RC3H2: variants seen among roughly 807,000 people sequenced by gnomAD.
RC3H2 encodes the protein roquin-2.
Under a neutral mutation model 133.3 loss-of-function variants are expected in RC3H2, and 31 were observed. That is an observed-to-expected ratio of 0.23 (90% CI 0.17 to 0.31). The LOEUF (loss-of-function observed/expected upper bound fraction) is 0.31, where lower values mean the gene tolerates loss of function less well. Ranked by LOEUF, RC3H2 falls within the 10% of genes least tolerant of loss-of-function variation. The pLI, the probability that RC3H2 is intolerant of heterozygous loss-of-function variation, is 1.00. For missense variants in RC3H2, 1,175 were observed against 1,437.2 expected, an observed-to-expected ratio of 0.82 and a Z score of 2.95; for synonymous variants, 517 against 502.2, an observed-to-expected ratio of 1.03 and a Z score of -0.40.
chr9:122,890,127 T>A, intron 4 of RC3H2, 185 bp downstream of exon 4: 1 of 625,520 alleles, frequency 1.6e-6, no homozygotes, highest in Non-Finnish European at 2.8e-6. Flanking sequence ...GGTGACAGAG[T>A]GAGACCCTGT....
Position 122,860,043 on chromosome 9 carries a change from C to A in RC3H2, c.1723G>T (p.Val575Leu). 1 of 1,614,004 alleles carries A rather than the reference C, an allele frequency of 6.2e-7. No homozygotes were observed. The highest frequency in any genetic ancestry group is 1.1e-5 in the South Asian group (1 of 91,078). Residue 575 changes from valine to leucine, a missense_variant, in exon 11 of 21, where the codon GTG becomes TTG. Physicochemically the swap from Val to Leu is conservative, Grantham distance 32. This residue lies in a region of RC3H2 where 490 missense variants were observed against 492.8 expected (regional missense o/e 0.99). Transcript: ENST00000357244. ...PSNVGTELNS[V>L]PQKSSPFLTR... ...AGAAATGGGCTGGATTTTTGAGGCA[C>A]AGAATTCAGCTCTGTTCCAACATTA...
chr9:122,860,252 C>A, intron 10 of RC3H2, 121 bp from the exon 11 acceptor site: 1 of 701,632 alleles, frequency 1.4e-6, no homozygotes, highest in Non-Finnish European at 2.4e-6. Flanking sequence ...TCAGACATTG[C>A]CACATTGACA....
chr9:122,880,566 G>C (rs1352838118), intron 6 of RC3H2, 28 bp downstream of exon 6: 2 of 1,534,934 alleles, frequency 1.3e-6, no homozygotes, highest in African/African-American at 1.4e-5. Context: ...AGCAATGATA[G>C]AACATCAGCA....
chr9:122,868,835 CTATA>C (rs1192775234), intron 9 of RC3H2, among the ~76,000 whole-genome samples: 10 of 135,838 alleles, frequency 7.4e-5, no homozygotes, highest in African/African-American at 2.6e-4. Context: ...ATATTCCCTC[CTATA>C]TGTGTGTGTG....
At chr9:122,865,728 G>C (rs1353845692) in intron 9 of RC3H2, 71 bp from the exon 10 acceptor site, 1 of 1,323,154 alleles carries the variant, frequency 7.6e-7, no homozygotes, top group East Asian at 2.3e-5. Context: ...AATGGCAATG[G>C]GCAATGGGAA....
chr9:122,868,027 A>T (rs7046794), intron 9 of RC3H2, among the ~76,000 whole-genome samples: 1 of 100,932 alleles, frequency 9.9e-6, no homozygotes, highest in African/African-American at 4.1e-5. Context: ...GGGAAGTGAG[A>T]AGCCCCTCTG....
chr9:122,893,937 G>C (rs1832304361), intron 2 of RC3H2, among the ~76,000 whole-genome samples: 1 of 152,100 alleles, frequency 6.6e-6, no homozygotes, highest in African/African-American at 2.4e-5. Context: ...AAATGAAGAT[G>C]AAAATCTGTA....
chr9:122,883,526 C>G lies in RC3H2; in HGVS notation c.584-147G>C, dbSNP rs1588097639. ...TAGCACAAAGAGGACATCACACGTA[C>G]ATAATTTAAAAAGTAATCAAGCAAA... On this transcript the variant is annotated intron_variant, in intron 4 of 20. Transcript: ENST00000357244. 7 of 530,390 alleles carry G rather than the reference C, an allele frequency of 1.3e-5. No homozygotes were observed. In the East Asian group the frequency reaches 2.3e-4, roughly 18 times the overall value. The allele number at this position is 530,390 out of a possible 1,614,324, so 32.9% of individuals were successfully genotyped here. A position where few individuals can be genotyped will look rare whatever the true frequency, so the allele number is the denominator to read the frequency against.
intron 2 of RC3H2, among the ~76,000 whole-genome samples, chr9:122,894,047 C>T (rs1588111425): frequency 6.6e-6 from 1 of 152,114 alleles, no homozygotes; most frequent in Non-Finnish European, 1.5e-5. Flanking sequence ...ATCACGAGGT[C>T]AGGAGATCGA....
At chr9:122,904,930 G>C (rs928206234) in intron 1 of RC3H2, among the ~76,000 whole-genome samples, 180 bp downstream of exon 1, 1 of 152,154 alleles carries the variant, frequency 6.6e-6, no homozygotes, top group Non-Finnish European at 1.5e-5. Context: ...CCAGAGAGAG[G>C]GGCCTCCGCA....
chr9:122,902,199 G>A (rs1832683400), intron 1 of RC3H2, among the ~76,000 whole-genome samples: 1 of 152,098 alleles, frequency 6.6e-6, no homozygotes, highest in African/African-American at 2.4e-5. Context: ...CCAAAGTGCT[G>A]GGATTACAGG....
chr9:122,855,395 G>A lies in RC3H2; in HGVS notation c.2604C>T (p.Asp868=). 6.2e-7 allele frequency: 1 copy of A among 1,612,240 alleles called. No homozygotes were observed. Among genetic ancestry groups the A allele is most frequent in the Non-Finnish European group, 8.5e-7 (1 of 1,179,416 alleles). ...TTCTCTTAACATCACCACTGTCCAG[G>A]TCCTATGTAAACCAAAGAAAATCAA... ...VIANSNAVLM[D]LDSGDVKRRV... The change falls in exon 15 of 21, where the codon GAC becomes GAT. Residue 868 remains aspartate (D), a splice_region_variant and synonymous_variant. Transcript: ENST00000357244.
At chr9:122,885,388 T>C (rs1317187346) in intron 4 of RC3H2, among the ~76,000 whole-genome samples, 2 of 152,202 alleles carry the variant, frequency 1.3e-5, no homozygotes, top group Non-Finnish European at 2.9e-5. Flanking sequence ...TACAAATACA[T>C]GGTTATTAAT....
At chr9:122,877,388 C>T (rs990763295) in intron 9 of RC3H2, 83 bp downstream of exon 9, 6 of 1,080,910 alleles carry the variant, frequency 5.6e-6, no homozygotes, top group Non-Finnish European at 8.3e-6. Context: ...TTTTGAAAGT[C>T]ATCACAAACT....
chr9:122,905,067 C>A lies in RC3H2; in HGVS notation c.-68+43G>T, dbSNP rs959277365. The stretch of plus-strand genomic sequence containing the variant: ...CGCCCGACCGCCGGGGACCAGGCAC[C>A]CGGGCTGGGGCCCGAGCCGCATCGT... On this transcript the variant is annotated intron_variant, in intron 1 of 20. Coordinates refer to ENST00000357244, the MANE Select transcript of RC3H2 (RefSeq NM_001100588.3). 5.4e-5 allele frequency: 53 copies of A among 984,406 alleles called. No homozygotes were observed. In the East Asian group the frequency reaches 1.8e-3, roughly 34 times the overall value. The allele number at this position is 984,406 out of a possible 1,614,324, so 61.0% of individuals were successfully genotyped here.
Position 122,858,786 on chromosome 9 carries a change from C to T in RC3H2, c.2166G>A (p.Val722=). The change falls in exon 12 of 21, where the codon GTG becomes GTA. Residue 722 remains valine, a synonymous_variant. Transcript: ENST00000357244. The part of the protein sequence containing the change: ...IRSNSLPPMD[V]MHSSVYQTSL... ...ATGTCTGATAGACAGATGAGTGCAT[C>T]ACATCCATTGGAGGTAAAGAATTGC... 1 of 1,614,246 alleles carries T rather than the reference C, an allele frequency of 6.2e-7. No homozygotes were observed. Among genetic ancestry groups the T allele is most frequent in the Non-Finnish European group, 8.5e-7 (1 of 1,180,040 alleles).
chr9:122,873,212 T>G (rs1382735308), intron 9 of RC3H2, among the ~76,000 whole-genome samples: 4 of 152,116 alleles, frequency 2.6e-5, no homozygotes, highest in Non-Finnish European at 5.9e-5. Flanking sequence ...AAGCTCAGAG[T>G]GAGGTAGCAA....
chr9:122,897,785 C>G, intron 1 of RC3H2: 1 of 351,274 alleles, frequency 2.8e-6, no homozygotes, highest in South Asian at 4.9e-5. Context: ...GTGTTCCTTT[C>G]AACTAAACTG....
chr9:122,855,667 C>T (rs1012167471), intron 14 of RC3H2, 65 bp downstream of exon 14: 38 of 1,525,174 alleles, frequency 2.5e-5, no homozygotes, highest in Admixed American at 4.1e-5. Flanking sequence ...AACATTCATT[C>T]TACAACATGA....
Sources: allele counts gnomAD v4.1 joint callset (sites outside exome capture counted in the v4.1 genomes callset), GRCh38; gene constraint gnomAD v4.1.1; regional missense constraint gnomAD v4.1.1; transcripts MANE v1.5; gene names NCBI Gene and HGNC (gene_info 2026-07-23, HGNC 2026-07-21).